NIPAL3: variants seen among roughly 807,000 people sequenced by gnomAD.
The protein encoded by NIPAL3 is NIPA like domain containing 3.
In NIPAL3, 41 loss-of-function variants were observed where a neutral mutation model predicts 47.2. The observed-to-expected ratio is 0.87, with a 90% CI of 0.68 to 1.13. The LOEUF is 1.13. Ranked by LOEUF, NIPAL3 falls within the 50% of genes most tolerant of loss-of-function variation. The pLI is 0.00. For synonymous variants in NIPAL3, 194 were observed against 209.6 expected, an observed-to-expected ratio of 0.93 and a Z score of 0.64; for missense variants, 449 against 530.1, an observed-to-expected ratio of 0.85 and a Z score of 1.50.
intron 2 of NIPAL3, among the ~76,000 whole-genome samples, chr1:24,421,144 C>A (rs1644310234): frequency 6.6e-6 from 1 of 151,912 alleles, no homozygotes; most frequent in South Asian, 2.1e-4. Flanking sequence ...CATGATGAAA[C>A]CCTGTCTCTA....
chr1:24,445,156 T>C (rs778713435), intron 4 of NIPAL3, 29 bp from the exon 5 acceptor site: 2 of 1,565,882 alleles, frequency 1.3e-6, no homozygotes, highest in Non-Finnish European at 1.8e-6. Context: ...GCAGCCTCAA[T>C]TCCCTTTTCT....
intron 2 of NIPAL3, among the ~76,000 whole-genome samples, chr1:24,431,614 T>C (rs1249979265): frequency 1.3e-5 from 2 of 152,208 alleles, no homozygotes; most frequent in African/African-American, 2.4e-5. Context: ...AGCCTCCCTG[T>C]CATCTCCAAG....
intron 1 of NIPAL3, among the ~76,000 whole-genome samples, chr1:24,419,028 C>A (rs949365235): frequency 1.3e-5 from 2 of 150,742 alleles, no homozygotes; most frequent in Non-Finnish European, 2.9e-5. Flanking sequence ...AGGAAGGAAG[C>A]AGAGTGGAGG....
chr1:24,436,650 A>T (rs1645122161), intron 2 of NIPAL3, among the ~76,000 whole-genome samples: 2 of 143,574 alleles, frequency 1.4e-5, no homozygotes, highest in South Asian at 4.2e-4. Flanking sequence ...CACCACGCCC[A>T]GATAATTTTT....
chr1:24,466,309 AAAAT>A (rs1041095345), intron 11 of NIPAL3: 18 of 382,452 alleles, frequency 4.7e-5, no homozygotes, highest in Non-Finnish European at 6.6e-5. Flanking sequence ...CCTAAAATTA[AAAAT>A]AAATAAATAA....
At chr1:24,441,238 A>G (rs1237889697) in intron 3 of NIPAL3, among the ~76,000 whole-genome samples, 1 of 151,936 alleles carries the variant, frequency 6.6e-6, no homozygotes, top group Non-Finnish European at 1.5e-5. Flanking sequence ...TGCCTTGTTC[A>G]CCTGTACTCT....
intron 2 of NIPAL3, among the ~76,000 whole-genome samples, chr1:24,431,762 C>T (rs576616495): frequency 6.6e-6 from 1 of 152,162 alleles, no homozygotes; most frequent in African/African-American, 2.4e-5. Flanking sequence ...TTCCCTTACA[C>T]CAGCCATCTT....
chr1:24,457,805 T>C (rs775009749), intron 8 of NIPAL3: 3 of 533,392 alleles, frequency 5.6e-6, no homozygotes, highest in South Asian at 4.2e-5. Flanking sequence ...CATGAAGCTC[T>C]TATGAGAATG....
chr1:24,420,433 A>G (rs997495347), intron 2 of NIPAL3, among the ~76,000 whole-genome samples: 4 of 152,064 alleles, frequency 2.6e-5, no homozygotes, highest in African/African-American at 7.2e-5. Flanking sequence ...GCCTAAGAGT[A>G]GTTTGAGGGT....
rs1645312353 is a variant in NIPAL3, at chr1:24,440,220, A to T, written c.142A>T (p.Ser48Cys). 1.3e-6 allele frequency: 2 copies of T among 1,595,416 alleles called. No homozygotes were observed. The change falls in exon 3 of 12, where the codon AGC (serine) becomes TGC (cysteine). Residue 48 changes from serine (S) to cysteine (C), a missense_variant. Ser to Cys is a moderately radical substitution (Grantham distance 112). Coordinates refer to ENST00000374399, the MANE Select transcript of NIPAL3 (RefSeq NM_020448.5). Reference sequence around the variant, plus strand: ...GGCGATCTTCGGGCACCTCGTGGTCAGCATTGCACTTAACCTCCAGGTAAG... The same window carrying T: ...GGCGATCTTCGGGCACCTCGTGGTCTGCATTGCACTTAACCTCCAGGTAAG... ...LLAIFGHLVV[S>C]IALNLQKYCH...
chr1:24,467,086 G>A (rs1409984781), intron 11 of NIPAL3, among the ~76,000 whole-genome samples: 1 of 152,152 alleles, frequency 6.6e-6, no homozygotes, highest in Non-Finnish European at 1.5e-5. Context: ...TCCAGAAAAT[G>A]AGGACAGTAG....
chr1:24,450,839 C>T (rs945399762), intron 6 of NIPAL3, among the ~76,000 whole-genome samples: 3 of 152,252 alleles, frequency 2.0e-5, no homozygotes, highest in Non-Finnish European at 4.4e-5. Flanking sequence ...GGCCCTGGAA[C>T]ATCCTTTTTC....
At chr1:24,435,601 C>G (rs755399264) in intron 2 of NIPAL3, among the ~76,000 whole-genome samples, 6 of 152,234 alleles carry the variant, frequency 3.9e-5, no homozygotes, top group African/African-American at 7.2e-5. Context: ...CTCTCTCCCC[C>G]ACCCATGATG....
chr1:24,442,254 C>G, intron 4 of NIPAL3, 28 bp downstream of exon 4: 1 of 1,605,792 alleles, frequency 6.2e-7, no homozygotes, highest in Non-Finnish European at 8.5e-7. Context: ...CCACCCTCCC[C>G]TGGGGTGCTC....
At chr1:24,427,934 C>T (rs566001033) in intron 2 of NIPAL3, among the ~76,000 whole-genome samples, 1 of 152,176 alleles carries the variant, frequency 6.6e-6, no homozygotes, top group African/African-American at 2.4e-5. Context: ...CCCTCTTCCC[C>T]AGGGCAGGTC....
At chr1:24,426,182 G>A (rs745431469) in intron 2 of NIPAL3, among the ~76,000 whole-genome samples, 35 of 152,060 alleles carry the variant, frequency 2.3e-4, no homozygotes, top group Non-Finnish European at 7.4e-5. Flanking sequence ...CACTTCTTTC[G>A]CCAGTAACAC....
intron 5 of NIPAL3, among the ~76,000 whole-genome samples, chr1:24,446,069 CGTGTGTGTGTGTGTGTGT>C (rs58016013): frequency 1.4e-4 from 20 of 147,736 alleles, no homozygotes; most frequent in Admixed American, 4.0e-4. Flanking sequence ...AGATTATAGT[CGTGTGTGTGTGTGTGTGT>C]GTGTGTGTGT....
At chr1:24,456,700 C>T (rs144069650) in intron 8 of NIPAL3, among the ~76,000 whole-genome samples, 2 of 152,018 alleles carry the variant, frequency 1.3e-5, no homozygotes, top group Middle Eastern at 3.2e-3. Flanking sequence ...GAAAGAAATA[C>T]GAAGCCAGCA....
chr1:24,448,059 C>G (rs937745895), intron 5 of NIPAL3, among the ~76,000 whole-genome samples: 2 of 152,216 alleles, frequency 1.3e-5, no homozygotes, highest in African/African-American at 4.8e-5. Flanking sequence ...TGAGTTTAAC[C>G]GTGGCTCATT....
Sources: allele counts gnomAD v4.1 joint callset (sites outside exome capture counted in the v4.1 genomes callset), GRCh38; gene constraint gnomAD v4.1.1; transcripts MANE v1.5; gene names NCBI Gene and HGNC (gene_info 2026-07-23, HGNC 2026-07-21).